The following PHAF1 variants were observed in gnomAD, a reference collection of about 807,000 sequenced individuals.
The protein encoded by PHAF1 is phagosome assembly factor 1.
Under a neutral mutation model 63.1 loss-of-function variants are expected in PHAF1, and 23 were observed. The observed-to-expected ratio is 0.36, with a 90% CI of 0.26 to 0.52. The LOEUF is 0.52. Among genes scored for constraint, PHAF1 ranks in the 20% least tolerant of loss-of-function variants. The probability of loss-of-function intolerance (pLI) is 0.93; values close to 1 mark genes in which losing one functional copy is unlikely to be tolerated. For synonymous variants in PHAF1, 167 were observed against 185.0 expected (o/e 0.90, Z 0.79); for missense variants, 427 against 517.2 (o/e 0.83, Z 1.69).
chr16:67,139,934 T>C, intron 8 of PHAF1, 50 bp from the exon 9 acceptor site: 1 of 1,609,412 alleles, frequency 6.2e-7, no homozygotes, highest in Non-Finnish European at 8.5e-7. Flanking sequence ...CCAGAGAGGG[T>C]CTCTGGTCCT....
chr16:67,128,798 A>G (rs1184745329), intron 3 of PHAF1, among the ~76,000 whole-genome samples: 1 of 152,178 alleles, frequency 6.6e-6, no homozygotes, highest in African/African-American at 2.4e-5. Flanking sequence ...CTCTGGGTCC[A>G]TTGCCACAAG....
At chr16:67,111,680 G>A (rs1405734614) in intron 1 of PHAF1, among the ~76,000 whole-genome samples, 1 of 152,168 alleles carries the variant, frequency 6.6e-6, no homozygotes, top group Non-Finnish European at 1.5e-5. Flanking sequence ...GAGTGCAGTG[G>A]CACAATATCG....
intron 10 of PHAF1, 117 bp downstream of exon 10, chr16:67,140,711 C>T: frequency 9.6e-6 from 8 of 834,712 alleles, no homozygotes; most frequent in Non-Finnish European, 1.6e-5. Context: ...GGAACCTAGC[C>T]CCAGCTGTCT....
intron 8 of PHAF1, 118 bp downstream of exon 8, chr16:67,134,585 T>A: frequency 1.1e-6 from 1 of 922,634 alleles, no homozygotes. Context: ...TAAAATACCA[T>A]AAACTGAGTG....
chr16:67,143,394 C>T (rs1037123639), intron 10 of PHAF1, among the ~76,000 whole-genome samples: 10 of 152,014 alleles, frequency 6.6e-5, no homozygotes, highest in Admixed American at 2.6e-4. Context: ...AAAAATTAGC[C>T]GGGCGTGGTG....
chr16:67,121,706 G>A (rs1962985252), intron 2 of PHAF1, among the ~76,000 whole-genome samples: 1 of 150,678 alleles, frequency 6.6e-6, no homozygotes, highest in South Asian at 2.1e-4. Flanking sequence ...TCAGCCTCCC[G>A]AGTAGCTGGG....
chr16:67,142,328 A>G (rs1963844479), intron 10 of PHAF1, among the ~76,000 whole-genome samples: 1 of 152,170 alleles, frequency 6.6e-6, no homozygotes. Context: ...GCAGGCCCGG[A>G]AAAAGCACCA....
At chr16:67,145,766 A>G in intron 14 of PHAF1, 138 bp downstream of exon 14, 1 of 873,182 alleles carries the variant, frequency 1.1e-6, no homozygotes, top group Non-Finnish European at 1.7e-6. Context: ...TTCCTGCCCC[A>G]CTCTGCACAT....
At chr16:67,115,463 A>T (rs896248930) in intron 1 of PHAF1, among the ~76,000 whole-genome samples, 1 of 152,242 alleles carries the variant, frequency 6.6e-6, no homozygotes, top group African/African-American at 2.4e-5. Flanking sequence ...CAAGTAACAA[A>T]GGGTGAACAG....
intron 10 of PHAF1, among the ~76,000 whole-genome samples, chr16:67,140,975 T>C (rs990422825): frequency 2.6e-5 from 4 of 152,210 alleles, no homozygotes; most frequent in African/African-American, 9.6e-5. Flanking sequence ...GGTGTGCTTG[T>C]ATATTTTTAG....
rs770355313 is a variant in PHAF1 at position 67,120,100 on chromosome 16, G to C, written c.65-12G>C. Reference sequence around the variant, plus strand: ...GCCAAAATAACCACATAGGTGTCTTGCTTTATTTCAGGAATGCCTCTGGCT... The same window carrying C: ...GCCAAAATAACCACATAGGTGTCTTCCTTTATTTCAGGAATGCCTCTGGCT... On this transcript the variant is annotated splice_polypyrimidine_tract_variant and intron_variant, in intron 1 of 15. Coordinates refer to ENST00000219139, the MANE Select transcript of PHAF1 (RefSeq NM_025187.5). 3.7e-6 allele frequency: 6 copies of C among 1,612,244 alleles called. No individual in the cohort carries two copies. The highest frequency in any genetic ancestry group is 5.1e-6 in the Non-Finnish European group (6 of 1,179,076).
At chr16:67,136,576 T>A (rs1963617129) in intron 8 of PHAF1, among the ~76,000 whole-genome samples, 1 of 146,440 alleles carries the variant, frequency 6.8e-6, no homozygotes. Flanking sequence ...TTTTTTTTTT[T>A]TTTTTGCTTC....
chr16:67,118,005 A>C (rs1209412238), intron 1 of PHAF1, among the ~76,000 whole-genome samples: 1 of 142,610 alleles, frequency 7.0e-6, no homozygotes, highest in Non-Finnish European at 1.5e-5. Flanking sequence ...CCCGGGCTGG[A>C]GTGCAGTGGC....
intron 8 of PHAF1, chr16:67,136,183 A>G (rs1171121552): frequency 6.6e-6 from 1 of 152,004 alleles, no homozygotes; most frequent in Non-Finnish European, 1.5e-5. Flanking sequence ...GCACGCCTGT[A>G]CTCCCAGCTA....
intron 8 of PHAF1, among the ~76,000 whole-genome samples, chr16:67,139,072 C>T (rs1423487399): frequency 1.3e-5 from 2 of 151,828 alleles, no homozygotes; most frequent in East Asian, 2.0e-4. Context: ...GAGTGTGCCA[C>T]CACGCCTGGC....
At chr16:67,131,011 G>C (rs1183451834) in intron 3 of PHAF1, among the ~76,000 whole-genome samples, 1 of 152,150 alleles carries the variant, frequency 6.6e-6, no homozygotes, top group African/African-American at 2.4e-5. Flanking sequence ...CCAGCACTTT[G>C]GGAGGCTAAG....
At chr16:67,128,052 C>T (rs767123337) in intron 3 of PHAF1, among the ~76,000 whole-genome samples, 8 of 151,872 alleles carry the variant, frequency 5.3e-5, no homozygotes, top group Non-Finnish European at 1.0e-4. Context: ...ATATGCTAGG[C>T]ACATGGCTGG....
At chr16:67,119,127 C>G (rs750366580) in intron 1 of PHAF1, among the ~76,000 whole-genome samples, 1 of 152,016 alleles carries the variant, frequency 6.6e-6, no homozygotes, top group Non-Finnish European at 1.5e-5. Flanking sequence ...CTCTAATAGG[C>G]CTTCATTTCA....
chr16:67,119,521 TC>T (rs1962888025), intron 1 of PHAF1, among the ~76,000 whole-genome samples: 1 of 149,908 alleles, frequency 6.7e-6, no homozygotes, highest in African/African-American at 2.5e-5. Context: ...ATCATACGCA[TC>T]TTTTTTTTTT....
Sources: allele counts gnomAD v4.1 joint callset (sites outside exome capture counted in the v4.1 genomes callset), GRCh38; gene constraint gnomAD v4.1.1; transcripts MANE v1.5; gene names NCBI Gene and HGNC (gene_info 2026-07-23, HGNC 2026-07-21).